The following DOCK2 variants were observed in gnomAD, a reference collection of about 807,000 sequenced individuals.
DOCK2 encodes the protein dedicator of cytokinesis 2, also known as dedicator of cytokinesis protein 2.
A neutral mutation model predicts 248.9 loss-of-function variants in DOCK2; 87 were observed. The ratio of observed to expected loss-of-function variants is 0.35; its 90% CI spans 0.29 to 0.42. The LOEUF is 0.42. DOCK2 is among the 10% of genes least tolerant of loss of function. DOCK2 has a pLI of 1.00. For missense variants in DOCK2, 1,747 were observed against 2,300.2 expected (o/e 0.76, Z 4.92); for synonymous variants, 805 against 821.6 (o/e 0.98, Z 0.35).
intron 44 of DOCK2, 137 bp downstream of exon 44, chr5:170,057,803 G>A (rs1757186364): frequency 4.1e-6 from 3 of 730,994 alleles, no homozygotes; most frequent in African/African-American, 1.8e-5. Context: ...GAATTCCCAT[G>A]CAGGCAGCAT....
intron 26 of DOCK2, among the ~76,000 whole-genome samples, chr5:169,813,319 C>G (rs1389168523): frequency 6.6e-6 from 1 of 152,176 alleles, no homozygotes; most frequent in African/African-American, 2.4e-5. Context: ...TTATTTTTAT[C>G]TACCCTCTTG....
chr5:170,071,787 A>G (rs568581864), intron 46 of DOCK2, among the ~76,000 whole-genome samples: 98 of 152,256 alleles, frequency 6.4e-4, no homozygotes, highest in Non-Finnish European at 1.0e-3. Flanking sequence ...ATACTTTACC[A>G]CCCAAACACT....
intron 50 of DOCK2, 83 bp from the exon 51 acceptor site, chr5:170,081,759 C>T: frequency 3.8e-6 from 5 of 1,313,198 alleles, no homozygotes; most frequent in Non-Finnish European, 5.1e-6. Context: ...CTCTGTCCCC[C>T]AGCCCTCCCC....
chr5:169,992,956 C>T (rs887776227), intron 29 of DOCK2, among the ~76,000 whole-genome samples: 3 of 152,138 alleles, frequency 2.0e-5, no homozygotes, highest in Non-Finnish European at 4.4e-5. Flanking sequence ...CAAATCAATT[C>T]GCGGTCATTA....
At chr5:169,888,502 G>T (rs911345945) in intron 27 of DOCK2, among the ~76,000 whole-genome samples, 3 of 152,176 alleles carry the variant, frequency 2.0e-5, no homozygotes, top group Non-Finnish European at 4.4e-5. Context: ...TGGTCCTCAT[G>T]GAATCAGTGT....
At chr5:169,788,283 C>G (rs1766114013) in intron 25 of DOCK2, among the ~76,000 whole-genome samples, 1 of 152,146 alleles carries the variant, frequency 6.6e-6, no homozygotes, top group Non-Finnish European at 1.5e-5. Flanking sequence ...TACTTTTTCA[C>G]ATGAATAGAG....
At chr5:169,981,006 G>C (rs77611134) in intron 27 of DOCK2, among the ~76,000 whole-genome samples, 17 of 152,318 alleles carry the variant, frequency 1.1e-4, no homozygotes, top group Non-Finnish European at 2.1e-4. Context: ...GGGAGAGCCA[G>C]CTTCCTGGGT....
At chr5:169,999,747 C>T (rs1369132969) in intron 30 of DOCK2, among the ~76,000 whole-genome samples, 1 of 152,130 alleles carries the variant, frequency 6.6e-6, no homozygotes, top group East Asian at 1.9e-4. Context: ...TTCTCTGTAC[C>T]CTGCCTGGAA....
intron 27 of DOCK2, among the ~76,000 whole-genome samples, chr5:169,920,322 A>C (rs932883421): frequency 2.0e-5 from 3 of 152,222 alleles, no homozygotes; most frequent in Non-Finnish European, 4.4e-5. Flanking sequence ...AATTATATGC[A>C]ATTAGAAGTG....
intron 33 of DOCK2, among the ~76,000 whole-genome samples, chr5:170,024,310 G>A (rs1428373756): frequency 6.6e-6 from 1 of 151,632 alleles, no homozygotes; most frequent in Admixed American, 6.6e-5. Flanking sequence ...CAGTGTTGGG[G>A]GTAAGGACTG....
chr5:170,041,268 C>G lies in DOCK2; in HGVS notation c.3756+123C>G, dbSNP rs921081053. On this transcript the variant is annotated intron_variant, in intron 37 of 51. Transcript: ENST00000520908. ...AAATATTTTGTTTTGCCCTGTGTCT[C>G]CAAACTCTTGAGCTGGCAGGATACT... is the stretch of plus-strand genomic sequence containing the variant. The G allele has an allele frequency of 1.9e-5, 16 of 861,834 alleles. No homozygotes were observed. The African/African-American group carries it at 2.7e-4, about 14-fold the overall frequency. The allele number at this position is 861,834 out of a possible 1,614,324, so 53.4% of individuals were successfully genotyped here. A position where few individuals can be genotyped will look rare whatever the true frequency, so the allele number is the denominator to read the frequency against.
chr5:169,969,334 A>T (rs1581485209), intron 27 of DOCK2, among the ~76,000 whole-genome samples: 2 of 151,088 alleles, frequency 1.3e-5, no homozygotes, highest in South Asian at 4.2e-4. Flanking sequence ...AATCCCAGCT[A>T]CTCGGGAGGC....
chr5:169,860,657 G>T (rs747200305), intron 27 of DOCK2, among the ~76,000 whole-genome samples: 1 of 152,172 alleles, frequency 6.6e-6, no homozygotes, highest in Non-Finnish European at 1.5e-5. Context: ...AACCCAAGCT[G>T]GTTTTAGATG....
chr5:169,948,567 T>A (rs1304665869), intron 27 of DOCK2, among the ~76,000 whole-genome samples: 37 of 151,588 alleles, frequency 2.4e-4, no homozygotes, highest in Admixed American at 2.4e-3. Flanking sequence ...TCTTTATCCC[T>A]CCCTCCTTCC....
chr5:169,769,149 G>A (rs1455472528), intron 25 of DOCK2, among the ~76,000 whole-genome samples: 1 of 152,100 alleles, frequency 6.6e-6, no homozygotes, highest in Non-Finnish European at 1.5e-5. Context: ...TTTGTGCTGT[G>A]GCAACTTAAA....
intron 27 of DOCK2, chr5:169,883,622 G>T: frequency 6.4e-7 from 1 of 1,551,544 alleles, no homozygotes; most frequent in South Asian, 1.2e-5. Flanking sequence ...GCAATGTTGC[G>T]AAAGCCCCCT....
intron 27 of DOCK2, among the ~76,000 whole-genome samples, chr5:169,846,611 CACACACACACACATATAT>C (rs1046640502): frequency 1.2e-4 from 2 of 16,910 alleles, no homozygotes; most frequent in African/African-American, 1.5e-3. Flanking sequence ...CACACATATA[CACACACACACACATATAT>C]ACACACATAT....
chr5:169,744,765 A>G (rs75680985), intron 22 of DOCK2, among the ~76,000 whole-genome samples: 2,463 of 152,278 alleles, frequency 0.016, 75 homozygotes, highest in African/African-American at 0.057. Context: ...TAAAAATGAC[A>G]AATTCCAGAA....
intron 26 of DOCK2, among the ~76,000 whole-genome samples, chr5:169,804,450 G>A (rs1007887207): frequency 1.5e-5 from 1 of 68,268 alleles, no homozygotes; most frequent in African/African-American, 3.5e-5. Context: ...GTGTGTGTGT[G>A]TGTGTGTGTG....
Sources: gnomAD v4.1 joint callset for allele counts (sites outside exome capture counted in the v4.1 genomes callset) on GRCh38, gnomAD v4.1.1 for gene constraint, MANE v1.5 for transcripts, NCBI Gene and HGNC (gene_info 2026-07-23, HGNC 2026-07-21) for gene names.